Variants in CCDC66 observed in about 807,000 individuals in gnomAD.
CCDC66 encodes coiled-coil domain-containing protein 66.
In CCDC66, 133 loss-of-function variants were observed where a neutral mutation model predicts 128.3. That is an observed-to-expected ratio of 1.04 (90% confidence interval 0.90 to 1.20). The LOEUF (loss-of-function observed/expected upper bound fraction) is 1.20. Ranked by LOEUF, CCDC66 falls within the 50% of genes most tolerant of loss-of-function variation. The pLI is 0.00. For missense variants in CCDC66, 1,126 were observed against 1,075.5 expected (o/e 1.05, Z -0.66); for synonymous variants, 387 against 357.0 (o/e 1.08, Z -0.95).
intron 7 of CCDC66, among the ~76,000 whole-genome samples, chr3:56,587,960 A>G (rs918978338): frequency 6.6e-6 from 1 of 152,250 alleles, no homozygotes; most frequent in African/African-American, 2.4e-5. Context: ...CCAGAGGAAA[A>G]GAAGTCATTA....
Position 56,567,786 on chromosome 3 carries a change from G to A in CCDC66, c.814+733G>A, listed in dbSNP as rs566574623. 6.6e-5 allele frequency among the ~76,000 whole-genome samples: 10 copies of A among 151,744 alleles called. No individual in the cohort carries two copies. In the East Asian group the frequency reaches 7.8e-4, roughly 12 times the overall value. On this transcript the variant is annotated intron_variant, in intron 6 of 17. Coordinates refer to ENST00000394672, the MANE Select transcript of CCDC66 (RefSeq NM_001141947.3). ...CGGCTCACTGCAAGCTCCACCTCCC[G>A]GGTTCACGCCATTCTGCCTCAGCCT...
At chr3:56,600,150 T>C (rs993999904) in intron 10 of CCDC66, among the ~76,000 whole-genome samples, 1 of 1,002 alleles carries the variant, frequency 1.0e-3, no homozygotes, top group Admixed American at 0.071. Flanking sequence ...TGCACTTATC[T>C]TTTTTTTTTT....
At chr3:56,557,172 G>C, upstream of CCDC66, 1 of 1,548,622 alleles carries the variant, frequency 6.5e-7, no homozygotes, top group Non-Finnish European at 8.7e-7. Context: ...CGTAGCGCTT[G>C]CTGAGCGGCG....
At chr3:56,567,102 T>A (rs1472299983) in intron 6 of CCDC66, 49 bp downstream of exon 6, 1 of 1,441,310 alleles carries the variant, frequency 6.9e-7, no homozygotes, top group African/African-American at 1.4e-5. Flanking sequence ...TTAAAGAATA[T>A]GTATTGAAGC....
intron 7 of CCDC66, among the ~76,000 whole-genome samples, chr3:56,573,185 A>G (rs1371765021): frequency 6.6e-6 from 1 of 152,240 alleles, no homozygotes; most frequent in East Asian, 1.9e-4. Flanking sequence ...ATCTGGGGAT[A>G]ATCCATACCA....
Position 56,583,015 on chromosome 3 carries a change from C to G in CCDC66, c.937-9955C>G, listed in dbSNP as rs182617063. Among the ~76,000 whole-genome samples the G allele has an allele frequency of 2.0e-5, 3 of 151,318 alleles. 1 individual carries two copies. In the East Asian group the frequency reaches 6.0e-4, roughly 30 times the overall value. ...ATCTCAGCCTTACAAGTAGCTGGGA[C>G]TACAGGTACCTGCCACCATGACTGG... On this transcript the variant is annotated intron_variant, in intron 7 of 17. Coordinates refer to ENST00000394672, the MANE Select transcript of CCDC66 (RefSeq NM_001141947.3).
chr3:56,617,082 T>G (rs2075617476), intron 13 of CCDC66, 30 bp from the exon 14 acceptor site: 2 of 1,469,246 alleles, frequency 1.4e-6, no homozygotes, highest in Non-Finnish European at 1.8e-6. Flanking sequence ...TGTTTACAAT[T>G]TTTAAAAATC....
chr3:56,615,401 G>C (rs1271641536), intron 12 of CCDC66, 129 bp downstream of exon 12: 1 of 840,136 alleles, frequency 1.2e-6, no homozygotes, highest in Non-Finnish European at 1.8e-6. Context: ...TGCCATCACA[G>C]CTCACTGCAA....
At chr3:56,592,307 A>G (rs2106921821) in intron 7 of CCDC66, among the ~76,000 whole-genome samples, 1 of 152,330 alleles carries the variant, frequency 6.6e-6, no homozygotes, top group South Asian at 2.1e-4. Flanking sequence ...GTAAAACAAT[A>G]TTCATCTGTT....
At chr3:56,617,079 A>T (rs1204169244) in intron 13 of CCDC66, 33 bp from the exon 14 acceptor site, 1 of 1,454,218 alleles carries the variant, frequency 6.9e-7, no homozygotes. Context: ...TTTTGTTTAC[A>T]ATTTTTAAAA....
Position 56,621,431 on chromosome 3 carries a change from T to C in CCDC66, c.2761-101T>C, listed in dbSNP as rs550070940. ...ATTTTTGAATGACAAAATTTTATCC[T>C]AAGCGATATGTTTTCCAAGTGAATA... On this transcript the variant is annotated intron_variant, in intron 17 of 17. Transcript: ENST00000394672. 2.1e-5 allele frequency: 17 copies of C among 819,024 alleles called. 1 individual carries two copies. In the South Asian group the frequency reaches 3.9e-4, roughly 19 times the overall value. 50.7% of individuals were successfully genotyped at this position (819,024 alleles called of 1,614,324 possible). A position where few individuals can be genotyped will look rare whatever the true frequency, so the allele number is the denominator to read the frequency against.
intron 7 of CCDC66, among the ~76,000 whole-genome samples, chr3:56,577,919 T>G (rs901900476): frequency 1.3e-5 from 2 of 151,862 alleles, no homozygotes; most frequent in Non-Finnish European, 2.9e-5. Context: ...TTTGATTCCA[T>G]AAGAAATTTA....
At position 56,621,568 on chromosome 3, in the gene CCDC66, C is replaced by T. The variant is rs781623811; in HGVS notation, c.2797C>T (p.Leu933Phe). The T allele has an allele frequency of 1.9e-6, 3 of 1,602,612 alleles. No homozygotes were observed. The South Asian group carries it at 3.4e-5, about 18-fold the overall frequency. ...LQKQKELESS[L>F]LPLAENQEES... ...GAAGCAAAAGGAGTTGGAAAGTAGT[C>T]TCCTGCCTTTAGCTGAAAATCAAGA... The change falls in exon 18 of 18, where the codon CTC (leucine) becomes TTC (phenylalanine). Residue 933 changes from leucine to phenylalanine, a missense_variant. Leu to Phe is a conservative substitution (Grantham distance 22). Coordinates refer to ENST00000394672, the MANE Select transcript of CCDC66 (RefSeq NM_001141947.3).
At chr3:56,588,218 C>A (rs1018834088) in intron 7 of CCDC66, among the ~76,000 whole-genome samples, 1 of 152,182 alleles carries the variant, frequency 6.6e-6, no homozygotes, top group East Asian at 1.9e-4. Context: ...AACCAAACAT[C>A]TTATGTTCTC....
chr3:56,558,604 G>C, intron 1 of CCDC66: 1 of 464,372 alleles, frequency 2.2e-6, no homozygotes. Flanking sequence ...AACAAAATGA[G>C]ATTTCAGGTT....
chr3:56,605,989 G>C (rs553423187), intron 10 of CCDC66, among the ~76,000 whole-genome samples: 1 of 152,092 alleles, frequency 6.6e-6, no homozygotes, highest in Non-Finnish European at 1.5e-5. Context: ...GGAATCTAGA[G>C]AGGCAATCTG....
At chr3:56,614,996 T>G in intron 11 of CCDC66, 132 bp from the exon 12 acceptor site, 1 of 729,270 alleles carries the variant, frequency 1.4e-6, no homozygotes, top group Non-Finnish European at 2.1e-6. Flanking sequence ...TTTGCCTTGT[T>G]GACTGTTGTA....
At chr3:56,587,787 T>A (rs1056673338) in intron 7 of CCDC66, among the ~76,000 whole-genome samples, 4 of 152,118 alleles carry the variant, frequency 2.6e-5, no homozygotes, top group African/African-American at 9.7e-5. Context: ...GAGAATTGCT[T>A]GAATCCAGGA....
intron 13 of CCDC66, chr3:56,616,744 A>C: frequency 5.6e-6 from 1 of 177,090 alleles, no homozygotes; most frequent in East Asian, 1.5e-4. Context: ...AAGCAGTGGT[A>C]CCATTTTACA....
Sources: allele counts gnomAD v4.1 joint callset (sites outside exome capture counted in the v4.1 genomes callset), GRCh38; gene constraint gnomAD v4.1.1; transcripts MANE v1.5; gene names NCBI Gene and HGNC (gene_info 2026-07-23, HGNC 2026-07-21).